Variants in XPO1 observed in about 807,000 individuals in gnomAD.
The protein encoded by XPO1 is exportin 1.
Under a neutral mutation model 133.3 loss-of-function variants are expected in XPO1, and 5 were observed. The ratio of observed to expected loss-of-function variants is 0.04; its 90% confidence interval spans 0.02 to 0.08. XPO1 has a LOEUF of 0.08. Among genes scored for constraint, XPO1 ranks in the 10% least tolerant of loss-of-function variants. The pLI is 1.00. For missense variants in XPO1, 506 were observed against 1,267.5 expected (o/e 0.40, Z 9.12); for synonymous variants, 419 against 408.2 (o/e 1.03, Z -0.32).
At chr2:61,525,214 T>A (rs1698865540) in intron 3 of XPO1, 7 of 967,506 alleles carry the variant, frequency 7.2e-6, no homozygotes, top group Non-Finnish European at 8.6e-6. Flanking sequence ...CCACCGCCCA[T>A]GAAACAAAAA....
chr2:61,502,487 C>T (rs575492528), intron 4 of XPO1, 177 bp from the exon 5 acceptor site: 4 of 550,218 alleles, frequency 7.3e-6, no homozygotes, highest in South Asian at 4.6e-5. Context: ...CGGTGGCTCA[C>T]GCTTGTAATC....
At chr2:61,481,827 C>A (rs1418984706) in intron 23 of XPO1, among the ~76,000 whole-genome samples, 1 of 149,424 alleles carries the variant, frequency 6.7e-6, no homozygotes, top group African/African-American at 2.5e-5. Context: ...ACCTCTGCCT[C>A]CTGGGTTCAA....
At chr2:61,535,561 G>A (rs1243682999) in intron 1 of XPO1, among the ~76,000 whole-genome samples, 1 of 152,110 alleles carries the variant, frequency 6.6e-6, no homozygotes, top group African/African-American at 2.4e-5. Flanking sequence ...AACAATAATG[G>A]CAGCAAATTC....
intron 6 of XPO1, among the ~76,000 whole-genome samples, chr2:61,500,363 G>A (rs1022322140): frequency 1.3e-5 from 2 of 151,780 alleles, no homozygotes; most frequent in South Asian, 2.1e-4. Context: ...GGAGGATCAC[G>A]AGGTCAGGAG....
rs1290533592 is a variant in XPO1 at position 61,478,199 on chromosome 2, A to C, written c.*621T>G. The C allele has an allele frequency of 8.6e-6, 2 of 233,458 alleles. No individual in the cohort carries two copies. The highest frequency in any genetic ancestry group is 1.7e-5 in the Non-Finnish European group (2 of 117,934). 14.5% of individuals were successfully genotyped at this position (233,458 alleles called of 1,614,324 possible). A position where few individuals can be genotyped will look rare whatever the true frequency, so the allele number is the denominator to read the frequency against. ...GACAAGCGACAGCACACACACACAAAAACAAAAAGAACTGTGTAAAAATAA... is the reference window on the plus strand; with the variant it reads ...GACAAGCGACAGCACACACACACAACAACAAAAAGAACTGTGTAAAAATAA... On this transcript the variant is annotated 3_prime_UTR_variant, in exon 25 of 25. Coordinates refer to ENST00000401558, the MANE Select transcript of XPO1 (RefSeq NM_003400.4).
intron 2 of XPO1, among the ~76,000 whole-genome samples, chr2:61,529,822 T>C (rs1313205489): frequency 1.3e-5 from 2 of 152,176 alleles, no homozygotes; most frequent in South Asian, 2.1e-4. Flanking sequence ...CAATAACTTA[T>C]ATGGTTGTTC....
intron 4 of XPO1, among the ~76,000 whole-genome samples, chr2:61,521,816 C>A (rs1404711643): frequency 1.3e-5 from 2 of 152,012 alleles, no homozygotes; most frequent in Non-Finnish European, 1.5e-5. Context: ...AGTACAGTGG[C>A]ACAATGATGG....
At chr2:61,529,847 C>G (rs1466643286) in intron 2 of XPO1, among the ~76,000 whole-genome samples, 1 of 152,136 alleles carries the variant, frequency 6.6e-6, no homozygotes, top group Non-Finnish European at 1.5e-5. Context: ...CCCAGAAACC[C>G]ACCAGAACCA....
Position 61,482,618 on chromosome 2 carries a change from T to G in XPO1, c.2813-79A>C, listed in dbSNP as rs868586808. On this transcript the variant is annotated intron_variant, in intron 22 of 24. Coordinates refer to ENST00000401558, the MANE Select transcript of XPO1 (RefSeq NM_003400.4). Reference sequence around the variant, plus strand: ...TAGCGTTTTTTTTTGTTTTGTTTTTTTTTTTTAGACGGAGTCTCGCTCTGT... The same window carrying G: ...TAGCGTTTTTTTTTGTTTTGTTTTTGTTTTTTAGACGGAGTCTCGCTCTGT... The G allele has an allele frequency of 4.1e-4, 536 of 1,318,956 alleles. 1 individual carries two copies. The highest frequency in any genetic ancestry group is 3.3e-3 in the Middle Eastern group (12 of 3,626). The allele number at this position is 1,318,956 out of a possible 1,614,324, so 81.7% of individuals were successfully genotyped here.
chr2:61,496,480 G>A (rs1301555614), intron 10 of XPO1, among the ~76,000 whole-genome samples: 1 of 152,108 alleles, frequency 6.6e-6, no homozygotes, highest in African/African-American at 2.4e-5. Context: ...AAAGTTCTGG[G>A]ATTACAGTAT....
intron 4 of XPO1, among the ~76,000 whole-genome samples, chr2:61,510,313 T>A (rs1194071782): frequency 1.3e-5 from 2 of 152,106 alleles, no homozygotes; most frequent in Non-Finnish European, 2.9e-5. Context: ...AATCGATCTT[T>A]TGAAAGATGG....
intron 4 of XPO1, among the ~76,000 whole-genome samples, chr2:61,506,041 T>G (rs968830004): frequency 6.6e-6 from 1 of 152,206 alleles, no homozygotes; most frequent in Non-Finnish European, 1.5e-5. Context: ...CAAGGATTAT[T>G]TGATCAAGTA....
chr2:61,510,287 A>G lies in XPO1; in HGVS notation c.302-7977T>C, dbSNP rs539703882. 2.0e-5 allele frequency among the ~76,000 whole-genome samples: 3 copies of G among 152,300 alleles called. No individual in the cohort carries two copies. The East Asian group carries it at 5.8e-4, about 29-fold the overall frequency. ...CAATGTGAGACTATCTCAAAACAAA[A>G]CAAAAAAACACACAAAATCGATCTT... On this transcript the variant is annotated intron_variant, in intron 4 of 24. Transcript: ENST00000401558.
intron 4 of XPO1, among the ~76,000 whole-genome samples, chr2:61,509,579 T>G (rs1697990339): frequency 1.3e-5 from 2 of 151,808 alleles, no homozygotes; most frequent in African/African-American, 4.8e-5. Context: ...TGAGTCGAGA[T>G]CATGCCGTCG....
intron 17 of XPO1, among the ~76,000 whole-genome samples, 163 bp from the exon 18 acceptor site, chr2:61,488,934 T>C (rs1251531287): frequency 2.0e-5 from 3 of 152,000 alleles, no homozygotes; most frequent in African/African-American, 7.2e-5. Context: ...ACCCCGTCTC[T>C]ACTAAAAATA....
intron 4 of XPO1, among the ~76,000 whole-genome samples, chr2:61,521,364 T>TA (rs1264755304): frequency 6.6e-6 from 1 of 152,098 alleles, no homozygotes; most frequent in African/African-American, 2.4e-5. Context: ...TCAAAGAAAT[T>TA]AGACATATTT....
In XPO1 at chr2:61,504,616, A is replaced by G. The variant is rs527451834; in HGVS notation, c.302-2306T>C. 3.2e-4 allele frequency among the ~76,000 whole-genome samples: 48 copies of G among 152,326 alleles called. 1 individual carries two copies. Among genetic ancestry groups the G allele is most frequent in the Admixed American group, 2.4e-3 (37 of 15,290 alleles). On this transcript the variant is annotated intron_variant, in intron 4 of 24. Coordinates refer to ENST00000401558, the MANE Select transcript of XPO1 (RefSeq NM_003400.4). The stretch of plus-strand genomic sequence containing the variant: ...GTATGTTCCAAGCCTCATCTGGCAT[A>G]TATAGAACTGAGTGAAATTTTCGTT...
Position 61,533,831 on chromosome 2 carries a change from G to A in XPO1, c.67C>T (p.Leu23=). 6.2e-7 allele frequency: 1 copy of A among 1,609,158 alleles called. No individual in the cohort carries two copies. ...ACATTATCTAATAAGTTGATATCCA[G>A]TTTTTGGCTGAAATCAAGCAGCTGA... ...ARQLLDFSQK[L]DINLLDNVVN... is the part of the protein sequence containing the mutation. The change falls in exon 2 of 25, where the codon CTG becomes TTG. Residue 23 remains leucine, a synonymous_variant. Transcript: ENST00000401558.
At chr2:61,520,064 A>G (rs946676613) in intron 4 of XPO1, among the ~76,000 whole-genome samples, 5 of 152,106 alleles carry the variant, frequency 3.3e-5, no homozygotes, top group African/African-American at 1.2e-4. Context: ...TATAACCTTA[A>G]TATTTAGTAG....
Sources: gnomAD v4.1 joint callset for allele counts (sites outside exome capture counted in the v4.1 genomes callset) on GRCh38, gnomAD v4.1.1 for gene constraint, MANE v1.5 for transcripts, NCBI Gene and HGNC (gene_info 2026-07-23, HGNC 2026-07-21) for gene names.